Variants in HDAC9 observed in about 807,000 individuals in gnomAD.
The protein encoded by HDAC9 is MEF-2 interacting transcription repressor (MITR) protein.
A neutral mutation model predicts 139.4 loss-of-function variants in HDAC9; 41 were observed. The ratio of observed to expected loss-of-function variants is 0.29; its 90% CI spans 0.23 to 0.38. The LOEUF (loss-of-function observed/expected upper bound fraction) is 0.38, where lower values mean the gene tolerates loss of function less well. HDAC9 is among the 10% of genes least tolerant of loss of function. The pLI is 1.00. For missense variants in HDAC9, 1,147 were observed against 1,297.0 expected, an observed-to-expected ratio of 0.88 and a Z score of 1.78; for synonymous variants, 517 against 476.2, an observed-to-expected ratio of 1.09 and a Z score of -1.12.
intron 1 of HDAC9, among the ~76,000 whole-genome samples, chr7:18,412,495 C>A (rs1342509805): frequency 6.6e-6 from 1 of 152,076 alleles, no homozygotes. Context: ...TGCTATATGC[C>A]TTATAAATCA....
At position 18,829,136 on chromosome 7, in the gene HDAC9, T is replaced by C. The variant is rs753379472; in HGVS notation, c.2323-25T>C. ...CTACCCTCTCCATTATATCTGACCA[T>C]TGAAAACCTGTCTTGTTTTCACAGA... On this transcript the variant is annotated intron_variant, in intron 17 of 25. Transcript: ENST00000686413. 5.1e-5 allele frequency: 80 copies of C among 1,583,722 alleles called. 1 individual carries two copies. Among genetic ancestry groups the C allele is most frequent in the South Asian group, 4.6e-4 (42 of 90,472 alleles).
intron 21 of HDAC9, among the ~76,000 whole-genome samples, chr7:18,867,924 T>A (rs1268276887): frequency 6.6e-6 from 1 of 152,200 alleles, no homozygotes; most frequent in African/African-American, 2.4e-5. Flanking sequence ...CTACTAATTT[T>A]TTAAGTTATG....
At chr7:18,707,309 C>T (rs1255111217) in intron 12 of HDAC9, among the ~76,000 whole-genome samples, 1 of 152,100 alleles carries the variant, frequency 6.6e-6, no homozygotes, top group Non-Finnish European at 1.5e-5. Context: ...AGAGAAATTA[C>T]AAGTGAAGGA....
chr7:18,946,036 CAAAAAAAAAAAAAAAAAAAAAAAAAA>C (rs1171055959), intron 23 of HDAC9, among the ~76,000 whole-genome samples: 3 of 38,260 alleles, frequency 7.8e-5, no homozygotes, highest in African/African-American at 1.5e-4. Context: ...GACTCCGTCT[CAAAAAAAAAAAAAAAAAAAAAAAAAA>C]AAAAAAAAAA....
At chr7:18,094,596 T>C (rs1782382143) in intron 1 of HDAC9, among the ~76,000 whole-genome samples, 1 of 152,052 alleles carries the variant, frequency 6.6e-6, no homozygotes, top group African/African-American at 2.4e-5. Flanking sequence ...CGTACCTGGC[T>C]AATTAAAAAA....
At chr7:18,215,707 C>G (rs1038992397) in intron 2 of HDAC9, among the ~76,000 whole-genome samples, 4 of 152,010 alleles carry the variant, frequency 2.6e-5, no homozygotes, top group African/African-American at 9.7e-5. Context: ...TTAGTGACTC[C>G]AAAGGAAATA....
rs985721108 is a variant in HDAC9 at position 18,998,209 on chromosome 7, CTT to C, written c.*2151_*2152del. On this transcript the variant is annotated 3_prime_UTR_variant, in exon 26 of 26. Coordinates refer to ENST00000686413, the MANE Select transcript of HDAC9 (RefSeq NM_178425.4). ...TCATAATTATAAATCTCTGTCATTA[CTT>C]TTTAGTCCTCCCAGATATTTTTTTA... The C allele has an allele frequency of 1.5e-5, 2 of 131,614 alleles. No individual in the cohort carries two copies. Among genetic ancestry groups the C allele is most frequent in the African/African-American group, 6.6e-5 (2 of 30,474 alleles). 8.2% of individuals were successfully genotyped at this position (131,614 alleles called of 1,614,324 possible). A position where few individuals can be genotyped will look rare whatever the true frequency, so the allele number is the denominator to read the frequency against.
chr7:18,154,592 A>G (rs1337781103), intron 1 of HDAC9, among the ~76,000 whole-genome samples: 2 of 152,230 alleles, frequency 1.3e-5, no homozygotes, highest in East Asian at 3.8e-4. Context: ...ATGTTTAAGC[A>G]ACTGAGGCTC....
At chr7:18,973,547 G>A (rs1175167420) in intron 24 of HDAC9, among the ~76,000 whole-genome samples, 1 of 152,114 alleles carries the variant, frequency 6.6e-6, no homozygotes, top group Non-Finnish European at 1.5e-5. Flanking sequence ...TGGGTGGTGA[G>A]ACTGAATTTC....
Position 18,996,614 on chromosome 7 carries a change from T to C in HDAC9, c.*552T>C, listed in dbSNP as rs933927780. 1 of 150,524 alleles carries C rather than the reference T, an allele frequency of 6.6e-6. No individual in the cohort carries two copies. Among genetic ancestry groups the C allele is most frequent in the African/African-American group, 2.5e-5 (1 of 39,282 alleles). 9.3% of individuals were successfully genotyped at this position (150,524 alleles called of 1,614,324 possible). On this transcript the variant is annotated 3_prime_UTR_variant, in exon 26 of 26. Transcript: ENST00000686413. ...GTTTTGTTAGGGTTTTTTTCTCAAC[T>C]TTAACACACAGTTCAACTGTTCCTA...
At chr7:18,697,471 G>GTC (rs1783138396) in intron 12 of HDAC9, among the ~76,000 whole-genome samples, 3 of 151,902 alleles carry the variant, frequency 2.0e-5, no homozygotes. Flanking sequence ...CTCTTTCTTT[G>GTC]TCTCTCTCTG....
At chr7:18,752,888 G>A (rs926811772) in intron 14 of HDAC9, among the ~76,000 whole-genome samples, 5 of 152,020 alleles carry the variant, frequency 3.3e-5, no homozygotes, top group Non-Finnish European at 5.9e-5. Context: ...TCATCTGAGG[G>A]GATGGTAAAA....
At chr7:18,708,375 A>G (rs1784094847) in intron 12 of HDAC9, among the ~76,000 whole-genome samples, 1 of 152,210 alleles carries the variant, frequency 6.6e-6, no homozygotes. Flanking sequence ...ATCTTTAACA[A>G]ACAGCACGTA....
chr7:18,300,120 C>T (rs1798437460), intron 1 of HDAC9, among the ~76,000 whole-genome samples: 1 of 152,128 alleles, frequency 6.6e-6, no homozygotes, highest in South Asian at 2.1e-4. Context: ...ATGTGCAGCC[C>T]AGGGTGGCTT....
intron 21 of HDAC9, among the ~76,000 whole-genome samples, chr7:18,867,736 TGTC>T (rs1237105696): frequency 2.6e-5 from 4 of 152,182 alleles, no homozygotes; most frequent in Admixed American, 6.5e-5. Context: ...AATTATCTTC[TGTC>T]GTAAGTTGAT....
chr7:18,369,745 T>C (rs1784454140), intron 1 of HDAC9, among the ~76,000 whole-genome samples: 1 of 152,064 alleles, frequency 6.6e-6, no homozygotes, highest in African/African-American at 2.4e-5. Flanking sequence ...TGAAAAGTGT[T>C]TCAAGGTCCA....
At chr7:18,155,792 T>C (rs968027025) in intron 1 of HDAC9, among the ~76,000 whole-genome samples, 2 of 152,118 alleles carry the variant, frequency 1.3e-5, no homozygotes, top group Non-Finnish European at 2.9e-5. Flanking sequence ...GTGAAACCAA[T>C]AGTCTTGCAT....
At position 18,199,816 on chromosome 7, in the gene HDAC9, C is replaced by T. The variant is rs527514009; in HGVS notation, c.25+37467C>T. 2.1e-3 allele frequency among the ~76,000 whole-genome samples: 313 copies of T among 148,856 alleles called. 3 individuals carry two copies. Among genetic ancestry groups the T allele is most frequent in the Middle Eastern group, 0.011 (3 of 278 alleles). On this transcript the variant is annotated intron_variant, in intron 2 of 12. Coordinates refer to the HDAC9 transcript ENST00000417496. The stretch of plus-strand genomic sequence containing the variant: ...GTGTTGCACATCTGTAGTCCTACCA[C>T]GCAGGAGGCTGAGATGGGAGCGAGG...
At chr7:18,207,559 A>ATTTTTTTTTT (rs1584636090) in intron 2 of HDAC9, among the ~76,000 whole-genome samples, 448 of 37,314 alleles carry the variant, frequency 0.012, 1 homozygote, top group Middle Eastern at 0.016. Flanking sequence ...TTTTTTTTTG[A>ATTTTTTTTTT]TTTGAGCTTT....
Sources: allele counts gnomAD v4.1 joint callset (sites outside exome capture counted in the v4.1 genomes callset), GRCh38; gene constraint gnomAD v4.1.1; transcripts MANE v1.5; gene names NCBI Gene and HGNC (gene_info 2026-07-23, HGNC 2026-07-21).